SEMA4D: variants seen among roughly 807,000 people sequenced by gnomAD.
SEMA4D encodes semaphorin-4D.
In SEMA4D, 22 loss-of-function variants were observed where a neutral mutation model predicts 74.8. The ratio of observed to expected loss-of-function variants is 0.29; its 90% CI spans 0.21 to 0.42. The LOEUF (loss-of-function observed/expected upper bound fraction) is 0.42. Among genes scored for constraint, SEMA4D ranks in the 10% least tolerant of loss-of-function variants. The pLI is 1.00. For missense variants in SEMA4D, 937 were observed against 1,118.4 expected (o/e 0.84, Z 2.31); for synonymous variants, 445 against 463.7 (o/e 0.96, Z 0.52).
chr9:89,384,992 C>G (rs1273627453), intron 13 of SEMA4D: 41 of 985,342 alleles, frequency 4.2e-5, no homozygotes, highest in Non-Finnish European at 4.8e-5. Context: ...GAGGCTCCTA[C>G]AGAGACAGGC....
intron 18 of SEMA4D, chr9:89,363,303 G>C (rs975540650): frequency 7.2e-7 from 1 of 1,382,296 alleles, no homozygotes; most frequent in African/African-American, 1.4e-5. Flanking sequence ...AAAGGAAACT[G>C]CTCCGGGGCT....
In SEMA4D at chr9:89,378,310, C is replaced by T. The variant is rs1836189653; in HGVS notation, c.*394G>A. 3 of 173,752 alleles carry T rather than the reference C, an allele frequency of 1.7e-5. No homozygotes were observed. Among genetic ancestry groups the T allele is most frequent in the Non-Finnish European group, 3.7e-5 (3 of 80,936 alleles). 10.8% of individuals were successfully genotyped at this position (173,752 alleles called of 1,614,324 possible). A position where few individuals can be genotyped will look rare whatever the true frequency, so the allele number is the denominator to read the frequency against. ...AATCTGATAAACTAAAATGTCATTTCCAATCTGGAATTAAATAATCTTTTA... is the reference window on the plus strand; with the variant it reads ...AATCTGATAAACTAAAATGTCATTTTCAATCTGGAATTAAATAATCTTTTA... On this transcript the variant is annotated 3_prime_UTR_variant, in exon 16 of 16. Transcript: ENST00000422704.
At chr9:89,494,889 G>T (rs11265775) in intron 1 of SEMA4D, among the ~76,000 whole-genome samples, 28,411 of 152,016 alleles carry the variant, frequency 0.19, 2,857 homozygotes, top group East Asian at 0.33. Flanking sequence ...ACATAACCAC[G>T]ATGCTGTGAT....
rs547203347 is a variant in SEMA4D, at chr9:89,490,766, T to C, written c.-310+7153A>G. Among the ~76,000 whole-genome samples the C allele has an allele frequency of 5.3e-4, 81 of 152,266 alleles. No homozygotes were observed. The South Asian group carries it at 6.2e-3, about 12-fold the overall frequency. ...AATATATGCTCCCACTTTGAAAGTA[T>C]TGAAGAAATAAATCCAATCTATAAT... On this transcript the variant is annotated intron_variant, in intron 1 of 15. Coordinates refer to ENST00000422704, the MANE Select transcript of SEMA4D (RefSeq NM_001371194.2).
intron 13 of SEMA4D, among the ~76,000 whole-genome samples, chr9:89,384,344 C>T (rs1280827891): frequency 6.6e-6 from 1 of 152,216 alleles, no homozygotes; most frequent in Non-Finnish European, 1.5e-5. Flanking sequence ...ACCCCTGCTA[C>T]AGCAGGGAGG....
At chr9:89,491,370 G>C (rs1167209715) in intron 1 of SEMA4D, among the ~76,000 whole-genome samples, 1 of 152,190 alleles carries the variant, frequency 6.6e-6, no homozygotes, top group Admixed American at 6.5e-5. Flanking sequence ...AGGAGATCGA[G>C]ACCATCCTGG....
In SEMA4D at chr9:89,377,254, A is replaced by G. The variant is rs1564515051; in HGVS notation, c.*1450T>C. 5.7e-6 allele frequency: 4 copies of G among 703,434 alleles called. No homozygotes were observed. Among genetic ancestry groups the G allele is most frequent in the Non-Finnish European group, 8.5e-6 (4 of 468,980 alleles). The allele number at this position is 703,434 out of a possible 1,614,324, so 43.6% of individuals were successfully genotyped here. On this transcript the variant is annotated 3_prime_UTR_variant, in exon 16 of 16. Coordinates refer to ENST00000422704, the MANE Select transcript of SEMA4D (RefSeq NM_001371194.2). ...CCCAAATCAAGGATAGAAGCTTCTC[A>G]TTTATTTGGGTACTTTCCAAATGTA...
chr9:89,462,694 C>G (rs985600202), intron 1 of SEMA4D, among the ~76,000 whole-genome samples: 3 of 151,850 alleles, frequency 2.0e-5, no homozygotes, highest in Non-Finnish European at 2.9e-5. Context: ...CCTGTAATCC[C>G]AGTACTTTAG....
intron 2 of SEMA4D, among the ~76,000 whole-genome samples, chr9:89,432,211 A>G (rs548321798): frequency 2.0e-4 from 31 of 152,368 alleles, no homozygotes; most frequent in African/African-American, 7.0e-4. Flanking sequence ...TGGATTATTT[A>G]TAACACTGCT....
In SEMA4D at chr9:89,378,688, G is replaced by A; in HGVS notation, c.*16C>T. 6.2e-7 allele frequency: 1 copy of A among 1,600,178 alleles called. No individual in the cohort carries two copies. Among genetic ancestry groups the A allele is most frequent in the East Asian group, 2.2e-5 (1 of 44,782 alleles). On this transcript the variant is annotated 3_prime_UTR_variant, in exon 16 of 16. Transcript: ENST00000422704. ...CACGTCGCAGCCGAGGCACCAGCGGGGATGCACAGCCGGCCTCAGTCTCCA... is the reference window on the plus strand; with the variant it reads ...CACGTCGCAGCCGAGGCACCAGCGGAGATGCACAGCCGGCCTCAGTCTCCA...
At chr9:89,482,687 G>C (rs1189743850) in intron 1 of SEMA4D, among the ~76,000 whole-genome samples, 1 of 152,312 alleles carries the variant, frequency 6.6e-6, no homozygotes, top group African/African-American at 2.4e-5. Context: ...GTAAGTGCTT[G>C]AAAAGGCTTC....
chr9:89,458,283 T>G (rs1412727218), intron 1 of SEMA4D, among the ~76,000 whole-genome samples: 2 of 152,150 alleles, frequency 1.3e-5, no homozygotes, highest in African/African-American at 4.8e-5. Flanking sequence ...GGCAACTTGG[T>G]CCCTGCATTT....
chr9:89,377,159 C>G, downstream of SEMA4D: 1 of 1,435,186 alleles, frequency 7.0e-7, no homozygotes, highest in Non-Finnish European at 9.2e-7. Context: ...CAGAAAAGAG[C>G]GAGCCCAGCT....
intron 2 of SEMA4D, among the ~76,000 whole-genome samples, chr9:89,410,725 C>G (rs1844347852): frequency 1.3e-5 from 2 of 152,106 alleles, no homozygotes; most frequent in Admixed American, 1.3e-4. Flanking sequence ...TAACAGCGCC[C>G]AGGAGCACAG....
At chr9:89,420,888 T>A (rs1398525696) in intron 2 of SEMA4D, among the ~76,000 whole-genome samples, 1 of 152,372 alleles carries the variant, frequency 6.6e-6, no homozygotes, top group African/African-American at 2.4e-5. Context: ...CAGTTAATGC[T>A]TCCTAGTGCT....
chr9:89,433,839 T>C (rs1054398664), intron 2 of SEMA4D, among the ~76,000 whole-genome samples: 2 of 152,176 alleles, frequency 1.3e-5, no homozygotes, highest in African/African-American at 4.8e-5. Flanking sequence ...CTCTGGATGC[T>C]GGTACCAGCA....
chr9:89,435,999 C>T (rs536787438), intron 2 of SEMA4D, among the ~76,000 whole-genome samples: 21 of 152,320 alleles, frequency 1.4e-4, no homozygotes, highest in Middle Eastern at 3.4e-3. Context: ...GCCCCCCACC[C>T]CCAAATCACA....
At chr9:89,459,297 G>A (rs1237994120) in intron 1 of SEMA4D, among the ~76,000 whole-genome samples, 1 of 152,216 alleles carries the variant, frequency 6.6e-6, no homozygotes, top group Non-Finnish European at 1.5e-5. Context: ...AGGTGATGTT[G>A]CTGTAGTTCC....
Position 89,362,318 on chromosome 9 carries a change from A to G in SEMA4D, c.*84T>C, listed in dbSNP as rs569985822. The G allele has an allele frequency of 3.7e-6, 6 of 1,612,468 alleles. No individual in the cohort carries two copies. In the African/African-American group the frequency reaches 8.0e-5, roughly 21 times the overall value. The stretch of plus-strand genomic sequence containing the variant: ...AGACAGTTCACAGTTGTGGGGGACC[A>G]GGCCTTCTCCGGGGGTGGCTGTGGT... On this transcript the variant is annotated 3_prime_UTR_variant, in exon 19 of 19. Transcript: ENST00000339861.
Sources: allele counts gnomAD v4.1 joint callset (sites outside exome capture counted in the v4.1 genomes callset), GRCh38; gene constraint gnomAD v4.1.1; transcripts MANE v1.5; gene names NCBI Gene and HGNC (gene_info 2026-07-23, HGNC 2026-07-21).